The following SGSM1 variants were observed in gnomAD, a reference collection of about 807,000 sequenced individuals.
SGSM1 encodes the protein small G protein signaling modulator 1.
In SGSM1, 73 loss-of-function variants were observed where a neutral mutation model predicts 133.8. The observed-to-expected ratio is 0.55, with a 90% CI of 0.45 to 0.66. The LOEUF (loss-of-function observed/expected upper bound fraction) is 0.66, where lower values mean the gene tolerates loss of function less well. Ranked by LOEUF, SGSM1 falls within the 30% of genes least tolerant of loss-of-function variation. The probability of loss-of-function intolerance (pLI) is 0.00; values close to 1 mark genes in which losing one functional copy is unlikely to be tolerated. For synonymous variants in SGSM1, 563 were observed against 573.0 expected, an observed-to-expected ratio of 0.98 and a Z score of 0.25; for missense variants, 1,213 against 1,448.1, an observed-to-expected ratio of 0.84 and a Z score of 2.64.
rs754601505 is a variant in SGSM1, at chr22:24,879,559, C to T, written c.1495+33C>T. ...TAGGGCTCCATTGCCAGTGTGTCTC[C>T]GTGGAGCAGCTATTGGTGCCTGCTG... On this transcript the variant is annotated intron_variant, in intron 14 of 24. Coordinates refer to ENST00000400358, the MANE Select transcript of SGSM1 (RefSeq NM_001098497.3). 3.6e-5 allele frequency: 57 copies of T among 1,600,880 alleles called. No individual in the cohort carries two copies. In the East Asian group the frequency reaches 6.5e-4, roughly 18 times the overall value.
chr22:24,868,941 A>G (rs1931618283), intron 12 of SGSM1, 86 bp downstream of exon 12: 8 of 1,535,014 alleles, frequency 5.2e-6, no homozygotes, highest in African/African-American at 1.4e-5. Context: ...AGAAGATGAC[A>G]GGTCTGGATT....
intron 2 of SGSM1, among the ~76,000 whole-genome samples, chr22:24,831,397 C>G (rs1290000457): frequency 6.6e-6 from 1 of 152,086 alleles, no homozygotes; most frequent in African/African-American, 2.4e-5. Flanking sequence ...ACCTCACATG[C>G]AGCAGTCATT....
At chr22:24,874,047 C>G (rs561497574) in intron 12 of SGSM1, among the ~76,000 whole-genome samples, 42 of 152,164 alleles carry the variant, frequency 2.8e-4, no homozygotes, top group Admixed American at 5.2e-4. Context: ...GTCAAAAAGA[C>G]TAGATACGTC....
At chr22:24,832,494 G>A (rs766222644) in intron 2 of SGSM1, among the ~76,000 whole-genome samples, 1 of 152,072 alleles carries the variant, frequency 6.6e-6, no homozygotes, top group South Asian at 2.1e-4. Flanking sequence ...TCTGCCCCTC[G>A]GTCTCATCAT....
chr22:24,901,008 C>A (rs981001732), intron 19 of SGSM1: 1 of 152,206 alleles, frequency 6.6e-6, no homozygotes, highest in African/African-American at 2.4e-5. Context: ...TTTCAGACCA[C>A]CCAGGTAATG....
chr22:24,819,077 C>T (rs1928308979), intron 2 of SGSM1, among the ~76,000 whole-genome samples: 5 of 149,502 alleles, frequency 3.3e-5, no homozygotes, highest in South Asian at 4.2e-4. Flanking sequence ...ACCTGGGAGG[C>T]GGAGCTTGCA....
At chr22:24,868,670 G>T in intron 11 of SGSM1, 53 bp from the exon 12 acceptor site, 3 of 1,609,790 alleles carry the variant, frequency 1.9e-6, no homozygotes, top group Non-Finnish European at 2.5e-6. Flanking sequence ...GACTAAGCAA[G>T]TTGTGGGGAC....
intron 2 of SGSM1, among the ~76,000 whole-genome samples, chr22:24,830,959 C>G (rs1929087564): frequency 6.6e-6 from 1 of 152,100 alleles, no homozygotes; most frequent in Non-Finnish European, 1.5e-5. Context: ...GTGATTCCTT[C>G]CCTGAGGCTC....
intron 9 of SGSM1, among the ~76,000 whole-genome samples, chr22:24,866,114 G>A (rs1208472746): frequency 6.6e-6 from 1 of 152,172 alleles, no homozygotes; most frequent in South Asian, 2.1e-4. Flanking sequence ...CTCCCAGTGT[G>A]TTCTGATGAG....
chr22:24,915,987 G>A (rs1340683294), intron 22 of SGSM1, among the ~76,000 whole-genome samples: 1 of 151,834 alleles, frequency 6.6e-6, no homozygotes, highest in Admixed American at 6.6e-5. Context: ...TTTCAAACAT[G>A]TTTTTTTCCC....
rs1555920070 is a variant in SGSM1 at position 24,822,088 on chromosome 22, C to CTCTTTTTTTTTTTTTTTTTTTT, written c.63+15605_63+15606insCTTTTTTTTTTTTTTTTTTTTT. Among the ~76,000 whole-genome samples, 46 of 96,120 alleles carry CTCTTTTTTTTTTTTTTTTTTTT rather than the reference C, an allele frequency of 4.8e-4. 1 individual carries two copies. The highest frequency in any genetic ancestry group is 1.2e-3 in the East Asian group (3 of 2,542). 63.1% of individuals were successfully genotyped at this position (96,120 alleles called of 152,430 possible). A position where few individuals can be genotyped will look rare whatever the true frequency, so the allele number is the denominator to read the frequency against. On this transcript the variant is annotated intron_variant, in intron 2 of 24. Transcript: ENST00000400358. ...CCATGCTCTACCTGTTCATCTCTCT[C>CTCTTTTTTTTTTTTTTTTTTTT]TTTTTTTTTTTTTTTTTTTTGAGAC...
At chr22:24,818,443 A>G (rs73407218) in intron 2 of SGSM1, among the ~76,000 whole-genome samples, 14 of 150,246 alleles carry the variant, frequency 9.3e-5, no homozygotes, top group South Asian at 8.5e-4. Context: ...TCTCGGCTCA[A>G]TGAAGCCTCT....
chr22:24,925,754 AG>A lies in SGSM1; in HGVS notation c.*1481del, dbSNP rs1291750584. 2 of 152,338 alleles carry A rather than the reference AG, an allele frequency of 1.3e-5. No individual in the cohort carries two copies. Among genetic ancestry groups the A allele is most frequent in the Non-Finnish European group, 2.9e-5 (2 of 68,140 alleles). The allele number at this position is 152,338 out of a possible 1,614,324, so 9.4% of individuals were successfully genotyped here. A position where few individuals can be genotyped will look rare whatever the true frequency, so the allele number is the denominator to read the frequency against. ...AAGGAGGAAAAGGAAGGCAGAGGTC[AG>A]CCAGGGTAGAGGGTGATGTCTGTTT... On this transcript the variant is annotated 3_prime_UTR_variant, in exon 25 of 25. Transcript: ENST00000400358.
Position 24,906,704 on chromosome 22 carries a change from G to A in SGSM1, c.2818+1517G>A, listed in dbSNP as rs149968605. Among the ~76,000 whole-genome samples, 1,086 of 152,244 alleles carry A rather than the reference G, an allele frequency of 7.1e-3. 18 individuals carry two copies. The highest frequency in any genetic ancestry group is 0.024 in the African/African-American group (1,016 of 41,532). On this transcript the variant is annotated intron_variant, in intron 21 of 24. Transcript: ENST00000400358. ...TCCCAGCGTTTCGGGAGGCCAAGGC[G>A]GGTGGATCACCTGAGGTCAGGAGTT... is the stretch of plus-strand genomic sequence containing the variant.
chr22:24,907,319 C>A (rs1933425081), intron 21 of SGSM1, among the ~76,000 whole-genome samples: 1 of 151,596 alleles, frequency 6.6e-6, no homozygotes, highest in South Asian at 2.1e-4. Context: ...GAATACAATA[C>A]TTATGAGTAA....
Position 24,905,146 on chromosome 22 carries a change from T to C in SGSM1, c.2777T>C (p.Met926Thr). 6.2e-7 allele frequency: 1 copy of C among 1,614,034 alleles called. No individual in the cohort carries two copies. Among genetic ancestry groups the C allele is most frequent in the Non-Finnish European group, 8.5e-7 (1 of 1,179,890 alleles). The change falls in exon 21 of 25, where the codon ATG (methionine) becomes ACG (threonine). Residue 926 changes from methionine to threonine, a missense_variant. By Grantham distance (81) the Met-to-Thr change is moderately conservative. Transcript: ENST00000400358. The part of the protein sequence containing the change: ...QHIEIGYVQG[M>T]CDLLAPLLVI... The stretch of plus-strand genomic sequence containing the variant: ...ATTGAGATCGGCTATGTCCAGGGCA[T>C]GTGTGATCTTCTGGCTCCACTGCTG...
chr22:24,821,482 A>G (rs975593827), intron 2 of SGSM1, among the ~76,000 whole-genome samples: 1 of 152,186 alleles, frequency 6.6e-6, no homozygotes, highest in Non-Finnish European at 1.5e-5. Context: ...GAGGAGAGAG[A>G]TGCGAGACAG....
At chr22:24,855,471 A>C (rs975004384) in intron 7 of SGSM1, 41 bp downstream of exon 7, 4 of 1,613,198 alleles carry the variant, frequency 2.5e-6, no homozygotes, top group Non-Finnish European at 3.4e-6. Context: ...GGGACCTTAC[A>C]TGAGGGCAGG....
chr22:24,850,536 C>T (rs1930397307), intron 5 of SGSM1, 104 bp downstream of exon 5: 2 of 1,458,606 alleles, frequency 1.4e-6, no homozygotes, highest in Admixed American at 2.3e-5. Flanking sequence ...TTCCCCTTGA[C>T]AGCCACTAAA....
Sources: gnomAD v4.1 joint callset for allele counts (sites outside exome capture counted in the v4.1 genomes callset) on GRCh38, gnomAD v4.1.1 for gene constraint, MANE v1.5 for transcripts, NCBI Gene and HGNC (gene_info 2026-07-23, HGNC 2026-07-21) for gene names.